RABGAP1L: variants seen among roughly 807,000 people sequenced by gnomAD.
The protein encoded by RABGAP1L is rab GTPase-activating protein 1-like.
Under a neutral mutation model 137.7 loss-of-function variants are expected in RABGAP1L, and 63 were observed. That is an observed-to-expected ratio of 0.46 (90% CI 0.37 to 0.56). The LOEUF (loss-of-function observed/expected upper bound fraction) is 0.56, where lower values mean the gene tolerates loss of function less well. Ranked by LOEUF, RABGAP1L falls within the 20% of genes least tolerant of loss-of-function variation. RABGAP1L has a pLI of 0.00. For missense variants in RABGAP1L, 1,095 were observed against 1,244.0 expected (o/e 0.88, Z 1.80); for synonymous variants, 431 against 433.7 (o/e 0.99, Z 0.08).
At chr1:174,431,744 G>A (rs1652657092) in intron 13 of RABGAP1L, among the ~76,000 whole-genome samples, 1 of 152,136 alleles carries the variant, frequency 6.6e-6, no homozygotes. Context: ...AAATCCAGCA[G>A]CTACAAAGGT....
chr1:174,687,704 A>G (rs1447336440), intron 15 of RABGAP1L, among the ~76,000 whole-genome samples: 2 of 152,230 alleles, frequency 1.3e-5, no homozygotes, highest in Admixed American at 6.5e-5. Flanking sequence ...TATCAGTTAC[A>G]TAAGCTATTG....
At chr1:174,202,945 A>G (rs1337930810) in intron 1 of RABGAP1L, among the ~76,000 whole-genome samples, 2 of 151,956 alleles carry the variant, frequency 1.3e-5, no homozygotes, top group Non-Finnish European at 2.9e-5. Flanking sequence ...CAGGTTTGTC[A>G]AAGATCAGAT....
intron 11 of RABGAP1L, among the ~76,000 whole-genome samples, chr1:174,368,872 T>C (rs1176971190): frequency 2.0e-5 from 3 of 152,232 alleles, no homozygotes; most frequent in Non-Finnish European, 2.9e-5. Flanking sequence ...AGATTTTCTG[T>C]CATCAGTATT....
At chr1:174,452,102 T>C (rs1265988676) in intron 13 of RABGAP1L, among the ~76,000 whole-genome samples, 1 of 152,192 alleles carries the variant, frequency 6.6e-6, no homozygotes, top group Non-Finnish European at 1.5e-5. Context: ...AAGCTAATCC[T>C]TATTTTGAAA....
At chr1:174,517,375 T>G (rs1272439689) in intron 13 of RABGAP1L, among the ~76,000 whole-genome samples, 2 of 152,122 alleles carry the variant, frequency 1.3e-5, no homozygotes, top group Non-Finnish European at 2.9e-5. Context: ...CTGAAAATTT[T>G]TTGTTAAAAG....
At chr1:174,190,692 C>A (rs985927916) in intron 1 of RABGAP1L, among the ~76,000 whole-genome samples, 1 of 152,200 alleles carries the variant, frequency 6.6e-6, no homozygotes, top group Admixed American at 6.5e-5. Flanking sequence ...TGGACTGGCA[C>A]TTTAAATTTT....
intron 19 of RABGAP1L, among the ~76,000 whole-genome samples, chr1:174,926,382 A>T (rs1034287045): frequency 1.3e-5 from 2 of 152,200 alleles, no homozygotes; most frequent in Non-Finnish European, 2.9e-5. Flanking sequence ...AAGAATTGAT[A>T]TCTTCATATA....
At chr1:174,651,597 C>G (rs1254755836) in intron 14 of RABGAP1L, among the ~76,000 whole-genome samples, 1 of 152,134 alleles carries the variant, frequency 6.6e-6, no homozygotes, top group African/African-American at 2.4e-5. Context: ...TAATGGCCTT[C>G]TTTGTCTCTT....
At chr1:174,541,016 T>C (rs1442579906) in intron 13 of RABGAP1L, among the ~76,000 whole-genome samples, 1 of 152,216 alleles carries the variant, frequency 6.6e-6, no homozygotes, top group Non-Finnish European at 1.5e-5. Flanking sequence ...TCACATCCCT[T>C]GTAAGTTGGA....
At chr1:174,556,826 T>G (rs1018625809) in intron 13 of RABGAP1L, among the ~76,000 whole-genome samples, 1 of 152,206 alleles carries the variant, frequency 6.6e-6, no homozygotes, top group African/African-American at 2.4e-5. Flanking sequence ...AGGAGGAATC[T>G]GGAGATTTGT....
chr1:174,523,811 C>G (rs1392394581), intron 13 of RABGAP1L, among the ~76,000 whole-genome samples: 2 of 152,138 alleles, frequency 1.3e-5, no homozygotes, highest in Non-Finnish European at 2.9e-5. Context: ...CTTCCCTGCC[C>G]CTGGTACCTC....
intron 10 of RABGAP1L, among the ~76,000 whole-genome samples, chr1:174,293,953 C>T (rs1156280841): frequency 6.6e-6 from 1 of 152,052 alleles, no homozygotes; most frequent in Non-Finnish European, 1.5e-5. Context: ...AGAAGCAGCA[C>T]TCACTCATCA....
chr1:174,813,586 T>A (rs1435321948), intron 19 of RABGAP1L, among the ~76,000 whole-genome samples: 1 of 152,194 alleles, frequency 6.6e-6, no homozygotes, highest in Admixed American at 6.5e-5. Flanking sequence ...AGAAAAAAAT[T>A]ATTTTGTCTT....
chr1:174,754,225 C>T (rs1279634471), intron 18 of RABGAP1L, among the ~76,000 whole-genome samples: 4 of 152,092 alleles, frequency 2.6e-5, no homozygotes, highest in Admixed American at 6.5e-5. Flanking sequence ...GCCTTCTCAC[C>T]ACTAGTGCCC....
At chr1:174,550,983 C>CATGTATATATACATATATAT in intron 13 of RABGAP1L, among the ~76,000 whole-genome samples, 1 of 83,424 alleles carries the variant, frequency 1.2e-5, no homozygotes, top group East Asian at 3.0e-4. Flanking sequence ...TGTATATATA[C>CATGTATATATACATATATAT]ATATATATAT....
chr1:174,808,407 T>TCA (rs1300569361), intron 18 of RABGAP1L, among the ~76,000 whole-genome samples: 4 of 152,050 alleles, frequency 2.6e-5, no homozygotes, highest in Non-Finnish European at 5.9e-5. Context: ...TGAGCTATGA[T>TCA]TGCACCATCG....
intron 17 of RABGAP1L, among the ~76,000 whole-genome samples, chr1:174,710,720 A>G (rs1363499807): frequency 6.6e-6 from 1 of 152,228 alleles, no homozygotes; most frequent in African/African-American, 2.4e-5. Context: ...CAAAAACAAA[A>G]CAAATTGTAA....
chr1:174,552,880 A>T (rs776502200), intron 13 of RABGAP1L, among the ~76,000 whole-genome samples: 6 of 152,208 alleles, frequency 3.9e-5, no homozygotes, highest in Admixed American at 1.3e-4. Flanking sequence ...TAACCTCACC[A>T]GCATCTGTTA....
At chr1:174,890,312 C>T (rs1276301104) in intron 19 of RABGAP1L, among the ~76,000 whole-genome samples, 2 of 152,164 alleles carry the variant, frequency 1.3e-5, no homozygotes, top group Non-Finnish European at 2.9e-5. Flanking sequence ...TGTGAACTAA[C>T]TGAAATGGGA....
Sources: gnomAD v4.1 joint callset for allele counts (sites outside exome capture counted in the v4.1 genomes callset) on GRCh38, gnomAD v4.1.1 for gene constraint, MANE v1.5 for transcripts, NCBI Gene and HGNC (gene_info 2026-07-23, HGNC 2026-07-21) for gene names.